Variants in KCNMA1 observed in about 807,000 individuals in gnomAD.
The protein encoded by KCNMA1 is potassium calcium-activated channel subfamily M alpha 1, also known as Calcium-activated potassium channel subunit alpha-1.
A neutral mutation model predicts 140.0 loss-of-function variants in KCNMA1; 29 were observed. The observed-to-expected ratio is 0.21, with a 90% CI of 0.15 to 0.28. KCNMA1 has a LOEUF of 0.28. KCNMA1 is among the 10% of genes least tolerant of loss of function. KCNMA1 has a pLI of 1.00. For synonymous variants in KCNMA1, 612 were observed against 611.9 expected (o/e 1.00, Z 0.00); for missense variants, 880 against 1,602.2 (o/e 0.55, Z 7.70).
chr10:77,534,743 A>C (rs1339508449), intron 1 of KCNMA1, among the ~76,000 whole-genome samples: 1 of 152,164 alleles, frequency 6.6e-6, no homozygotes, highest in African/African-American at 2.4e-5. Flanking sequence ...ATTTCAAAAT[A>C]GCTAAAAGAA....
intron 17 of KCNMA1, 197 bp from the exon 18 acceptor site, chr10:77,012,240 T>C (rs2090966313): frequency 6.8e-7 from 1 of 1,469,190 alleles, no homozygotes; most frequent in Non-Finnish European, 9.0e-7. Flanking sequence ...GATTCTGTGA[T>C]TTGAGTTAGT....
chr10:77,010,221 C>T (rs1278993462), intron 18 of KCNMA1, among the ~76,000 whole-genome samples: 2 of 152,064 alleles, frequency 1.3e-5, no homozygotes, highest in Non-Finnish European at 2.9e-5. Flanking sequence ...GTTGTTCTCT[C>T]TTATTTCCCT....
chr10:77,345,012 G>T (rs918875979), intron 2 of KCNMA1, among the ~76,000 whole-genome samples: 2 of 152,138 alleles, frequency 1.3e-5, no homozygotes, highest in East Asian at 3.9e-4. Context: ...ATGAAGAAAT[G>T]GAGGCACAGA....
At chr10:77,148,420 C>T (rs1192852741) in intron 5 of KCNMA1, 2 of 152,174 alleles carry the variant, frequency 1.3e-5, no homozygotes, top group Non-Finnish European at 2.9e-5. Context: ...AAGCATAACA[C>T]TGAATCTTGG....
At chr10:77,209,418 A>G (rs1450764677) in intron 3 of KCNMA1, among the ~76,000 whole-genome samples, 3 of 152,178 alleles carry the variant, frequency 2.0e-5, no homozygotes, top group African/African-American at 7.2e-5. Flanking sequence ...TCACCTATTA[A>G]TTTTTGGTCT....
intron 20 of KCNMA1, among the ~76,000 whole-genome samples, chr10:76,960,400 C>T (rs1399411282): frequency 2.0e-5 from 3 of 151,998 alleles, no homozygotes; most frequent in African/African-American, 7.2e-5. Context: ...ATTAGCCAGG[C>T]AGATGGTGCA....
chr10:77,365,237 G>T (rs1399191331), intron 2 of KCNMA1, among the ~76,000 whole-genome samples: 1 of 152,126 alleles, frequency 6.6e-6, no homozygotes, highest in African/African-American at 2.4e-5. Context: ...CCCACCCTAG[G>T]AAACAAAGCC....
At chr10:77,480,053 G>C (rs1431546193) in intron 1 of KCNMA1, among the ~76,000 whole-genome samples, 1 of 152,220 alleles carries the variant, frequency 6.6e-6, no homozygotes, top group African/African-American at 2.4e-5. Context: ...CTCATGGGCA[G>C]ACCTGGCCTG....
intron 19 of KCNMA1, among the ~76,000 whole-genome samples, chr10:76,976,761 GC>G (rs1284857817): frequency 6.6e-5 from 10 of 152,108 alleles, no homozygotes; most frequent in Non-Finnish European, 1.0e-4. Flanking sequence ...TTTTCTGGTT[GC>G]CTTTAGCCCT....
chr10:77,616,640 T>C (rs1175087968), intron 1 of KCNMA1, among the ~76,000 whole-genome samples: 1 of 152,030 alleles, frequency 6.6e-6, no homozygotes. Flanking sequence ...ACCCCGTCTC[T>C]ACTAAAAATA....
chr10:77,408,389 CAT>C (rs112692030), intron 1 of KCNMA1, among the ~76,000 whole-genome samples: 4,209 of 152,230 alleles, frequency 0.028, 93 homozygotes, highest in African/African-American at 0.061. Flanking sequence ...TGTGCTCACA[CAT>C]GTGTGTGTGC....
At chr10:77,084,582 G>T in intron 12 of KCNMA1, 55 bp downstream of exon 12, 1 of 1,381,494 alleles carries the variant, frequency 7.2e-7, no homozygotes, top group Non-Finnish European at 1.0e-6. Context: ...CAAAAGGGCC[G>T]TGAACAGCCA....
intron 19 of KCNMA1, among the ~76,000 whole-genome samples, chr10:76,999,595 C>G (rs1396575554): frequency 1.3e-5 from 2 of 152,168 alleles, no homozygotes; most frequent in African/African-American, 4.8e-5. Flanking sequence ...CTCTGTGCAG[C>G]TGTGCCCTAG....
chr10:77,440,629 G>C lies in KCNMA1; in HGVS notation c.379-36606C>G, dbSNP rs142052516. Reference sequence around the variant, plus strand: ...GGGAGAACATGATTAATTGTCAAATGAAAGTGTTCAGACAAAATTGCTCTA... The same window carrying C: ...GGGAGAACATGATTAATTGTCAAATCAAAGTGTTCAGACAAAATTGCTCTA... On this transcript the variant is annotated intron_variant, in intron 1 of 27. Coordinates refer to ENST00000286628, the MANE Select transcript of KCNMA1 (RefSeq NM_001161352.2). Among the ~76,000 whole-genome samples the C allele has an allele frequency of 3.7e-3, 563 of 152,274 alleles. 7 individuals carry two copies. Among genetic ancestry groups the C allele is most frequent in the African/African-American group, 0.013 (544 of 41,544 alleles).
At chr10:76,926,731 T>C (rs1250189938) in intron 23 of KCNMA1, among the ~76,000 whole-genome samples, 1 of 152,206 alleles carries the variant, frequency 6.6e-6, no homozygotes, top group Non-Finnish European at 1.5e-5. Flanking sequence ...GAGTCATTCA[T>C]GGGGTTGTTC....
At chr10:77,144,384 G>A (rs1011114321) in intron 5 of KCNMA1, among the ~76,000 whole-genome samples, 3 of 152,178 alleles carry the variant, frequency 2.0e-5, no homozygotes, top group Admixed American at 2.0e-4. Context: ...AATCTATAGT[G>A]ATTGAAGCCA....
chr10:77,127,815 A>G (rs1260512776), intron 5 of KCNMA1, among the ~76,000 whole-genome samples: 2 of 152,046 alleles, frequency 1.3e-5, no homozygotes, highest in Non-Finnish European at 2.9e-5. Context: ...TCTACCAAAA[A>G]TACAAAAAAT....
chr10:77,486,180 C>T (rs1166504454), intron 1 of KCNMA1, among the ~76,000 whole-genome samples: 1 of 152,170 alleles, frequency 6.6e-6, no homozygotes, highest in Non-Finnish European at 1.5e-5. Flanking sequence ...GACAGACCTT[C>T]AGGAGGAGGG....
At chr10:77,222,664 C>T (rs190071646) in intron 3 of KCNMA1, among the ~76,000 whole-genome samples, 1 of 152,330 alleles carries the variant, frequency 6.6e-6, no homozygotes, top group Non-Finnish European at 1.5e-5. Flanking sequence ...TAATCTGCTC[C>T]TGTTGTATGG....
Sources: allele counts gnomAD v4.1 joint callset (sites outside exome capture counted in the v4.1 genomes callset), GRCh38; gene constraint gnomAD v4.1.1; transcripts MANE v1.5; gene names NCBI Gene and HGNC (gene_info 2026-07-23, HGNC 2026-07-21).